TMEM181: variants seen among roughly 807,000 people sequenced by gnomAD.
TMEM181 encodes transmembrane protein 181, also known as G protein-coupled receptor 178.
In TMEM181, 39 loss-of-function variants were observed where a neutral mutation model predicts 71.9. The observed-to-expected ratio is 0.54, with a 90% confidence interval of 0.42 to 0.71. The LOEUF is 0.71. Among genes scored for constraint, TMEM181 ranks in the 30% least tolerant of loss-of-function variants. The pLI, the probability that TMEM181 is intolerant of heterozygous loss-of-function variation, is 0.00. For synonymous variants in TMEM181, 245 were observed against 228.8 expected (o/e 1.07, Z -0.64); for missense variants, 595 against 583.0 (o/e 1.02, Z -0.21).
chr6:158,633,467 G>A lies in TMEM181; in HGVS notation c.*1579G>A, dbSNP rs1190865436. ...AACTGTGGGCAACCTGACTGATGCC[G>A]TCTTGGCAATTGAGGTCCAGAAGAT... On this transcript the variant is annotated 3_prime_UTR_variant, in exon 17 of 17. Coordinates refer to ENST00000684151, the MANE Select transcript of TMEM181 (RefSeq NM_001376852.1). 1 of 152,200 alleles carries A rather than the reference G, an allele frequency of 6.6e-6. No homozygotes were observed. Among genetic ancestry groups the A allele is most frequent in the Admixed American group, 6.5e-5 (1 of 15,278 alleles). 9.4% of individuals were successfully genotyped at this position (152,200 alleles called of 1,614,324 possible).
intron 6 of TMEM181, among the ~76,000 whole-genome samples, chr6:158,596,637 T>G (rs1002583125): frequency 6.6e-6 from 1 of 152,168 alleles, no homozygotes; most frequent in African/African-American, 2.4e-5. Flanking sequence ...TAGTCTGTTT[T>G]CATGCTGCTG....
At chr6:158,538,065 G>A (rs1781193490) in intron 1 of TMEM181, among the ~76,000 whole-genome samples, 1 of 151,760 alleles carries the variant, frequency 6.6e-6, no homozygotes, top group Non-Finnish European at 1.5e-5. Context: ...AGAATCCACA[G>A]TTTCATATCA....
chr6:158,621,571 G>T, intron 10 of TMEM181: 1 of 167,860 alleles, frequency 6.0e-6, no homozygotes, highest in Non-Finnish European at 1.3e-5. Context: ...AGGCAGCTGC[G>T]CTTGCTGGGA....
chr6:158,588,778 A>G (rs556199167), intron 5 of TMEM181, among the ~76,000 whole-genome samples: 3 of 152,344 alleles, frequency 2.0e-5, no homozygotes, highest in African/African-American at 7.2e-5. Context: ...CCTGCTGTGT[A>G]AAACCCACAC....
rs898235328 is a variant in TMEM181 at position 158,620,997 on chromosome 6, C to T, written c.897-2553C>T. Among the ~76,000 whole-genome samples, 124 of 152,162 alleles carry T rather than the reference C, an allele frequency of 8.1e-4. No homozygotes were observed. The highest frequency in any genetic ancestry group is 2.9e-4 in the Non-Finnish European group (20 of 68,034). ...AGGGTGGGAGAGCTTATCACAGGCT[C>T]GAAATGTTTCTGTGTGTCTCTTTGT... On this transcript the variant is annotated intron_variant, in intron 10 of 16. Coordinates refer to ENST00000684151, the MANE Select transcript of TMEM181 (RefSeq NM_001376852.1). The surrounding 1 kb of genome is among the most constrained non-coding windows in gnomAD (Gnocchi z 4.5).
intron 3 of TMEM181, among the ~76,000 whole-genome samples, chr6:158,581,627 C>T (rs1333143290): frequency 1.3e-5 from 2 of 151,356 alleles, no homozygotes; most frequent in Non-Finnish European, 2.9e-5. Context: ...GGTGGGGGGG[C>T]GCCTGTAGTC....
chr6:158,568,480 G>A (rs955862357), intron 1 of TMEM181, among the ~76,000 whole-genome samples: 3 of 152,114 alleles, frequency 2.0e-5, no homozygotes, highest in African/African-American at 4.8e-5. Flanking sequence ...ACACGGGGAC[G>A]ACAGAGATGA....
At chr6:158,604,448 G>T (rs1432482771) in intron 6 of TMEM181, among the ~76,000 whole-genome samples, 1 of 152,168 alleles carries the variant, frequency 6.6e-6, no homozygotes, top group Non-Finnish European at 1.5e-5. Context: ...GAATGATGGG[G>T]CTCTCTGGCC....
At chr6:158,618,668 C>G (rs1019883572) in intron 10 of TMEM181, among the ~76,000 whole-genome samples, 1 of 152,152 alleles carries the variant, frequency 6.6e-6, no homozygotes, top group African/African-American at 2.4e-5. Context: ...CCTTCAGGAG[C>G]TCTTGTAAGG....
intron 10 of TMEM181, among the ~76,000 whole-genome samples, chr6:158,619,800 C>G (rs1774197903): frequency 7.0e-6 from 1 of 143,810 alleles, no homozygotes; most frequent in African/African-American, 2.6e-5. Context: ...ACCTGGGAGG[C>G]AGAGGTTGCA....
At chr6:158,573,555 T>C in intron 2 of TMEM181, 32 bp downstream of exon 2, 2 of 1,554,480 alleles carry the variant, frequency 1.3e-6, no homozygotes, top group African/African-American at 1.4e-5. Flanking sequence ...TTGAATCTTT[T>C]GCCATGCGCG....
In TMEM181 at chr6:158,628,155, G is replaced by T. The variant is rs1013971910; in HGVS notation, c.1110-253G>T. The stretch of plus-strand genomic sequence containing the variant: ...AGAGTGTGATGGGGCCTGCAGCAGG[G>T]TTCATCCTGTCCCTGCAGCCGGCCG... On this transcript the variant is annotated intron_variant, in intron 13 of 16. Transcript: ENST00000684151. 4 of 658,886 alleles carry T rather than the reference G, an allele frequency of 6.1e-6. No homozygotes were observed. The African/African-American group carries it at 7.1e-5, about 12-fold the overall frequency. The allele number at this position is 658,886 out of a possible 1,614,324, so 40.8% of individuals were successfully genotyped here.
At chr6:158,574,882 A>C (rs550521345) in intron 2 of TMEM181, among the ~76,000 whole-genome samples, 16 of 152,252 alleles carry the variant, frequency 1.1e-4, no homozygotes, top group African/African-American at 3.9e-4. Context: ...CCCATGGTGT[A>C]GTTCCAGTCC....
intron 1 of TMEM181, among the ~76,000 whole-genome samples, chr6:158,571,724 C>T (rs976956247): frequency 6.6e-6 from 1 of 152,368 alleles, no homozygotes; most frequent in South Asian, 2.1e-4. Flanking sequence ...CTTTGCAGGG[C>T]TTGCCCAGAG....
At position 158,584,163 on chromosome 6, in the gene TMEM181, CATT is replaced by C. The variant is rs1422035786; in HGVS notation, c.259+126_259+128del. On this transcript the variant is annotated intron_variant, in intron 4 of 16. Transcript: ENST00000684151. ...TCAAAGATAGATGTATAAGGATGTC[CATT>C]ATTATTTATCATAGCAACAAATTGG... 4 of 785,014 alleles carry C rather than the reference CATT, an allele frequency of 5.1e-6. No homozygotes were observed. In the Admixed American group the frequency reaches 9.8e-5, roughly 19 times the overall value. 48.6% of individuals were successfully genotyped at this position (785,014 alleles called of 1,614,324 possible).
intron 1 of TMEM181, among the ~76,000 whole-genome samples, chr6:158,566,295 A>G (rs909902604): frequency 2.0e-5 from 3 of 151,954 alleles, no homozygotes; most frequent in South Asian, 2.1e-4. Flanking sequence ...AGAGCAGGCC[A>G]TTGTTCATAC....
At chr6:158,554,435 G>T (rs909910581) in intron 1 of TMEM181, among the ~76,000 whole-genome samples, 7 of 151,728 alleles carry the variant, frequency 4.6e-5, no homozygotes, top group Admixed American at 4.6e-4. Context: ...GGCCAGGCTG[G>T]TCTCGAACTC....
chr6:158,631,118 G>A (rs758213161), intron 15 of TMEM181, among the ~76,000 whole-genome samples: 1 of 152,234 alleles, frequency 6.6e-6, no homozygotes, highest in South Asian at 2.1e-4. Context: ...CCTTCAGGAC[G>A]TCCCTGCCAG....
intron 6 of TMEM181, among the ~76,000 whole-genome samples, chr6:158,596,693 CAT>C (rs1278131394): frequency 3.3e-5 from 5 of 152,148 alleles, no homozygotes; most frequent in African/African-American, 1.2e-4. Flanking sequence ...TTTAATTGGA[CAT>C]AGAGTTCCAC....
Sources: allele counts gnomAD v4.1 joint callset (sites outside exome capture counted in the v4.1 genomes callset), GRCh38; gene constraint gnomAD v4.1.1; non-coding constraint Gnocchi (gnomAD v3.1); transcripts MANE v1.5; gene names NCBI Gene and HGNC (gene_info 2026-07-23, HGNC 2026-07-21).